The following EDEM1 variants were observed in gnomAD, a reference collection of about 807,000 sequenced individuals.
EDEM1 encodes the protein ER degradation enhancing alpha-mannosidase like protein 1, also known as ER degradation-enhancing alpha-mannosidase-like protein 1.
A neutral mutation model predicts 74.4 loss-of-function variants in EDEM1; 67 were observed. The observed-to-expected ratio is 0.90, with a 90% CI of 0.74 to 1.10. EDEM1 has a LOEUF of 1.10. Among genes scored for constraint, EDEM1 ranks in the 50% least tolerant of loss-of-function variants. The pLI is 0.00. For missense variants in EDEM1, 926 were observed against 851.6 expected (o/e 1.09, Z -1.09); for synonymous variants, 382 against 335.9 (o/e 1.14, Z -1.50).
In EDEM1 at chr3:5,199,590, A is replaced by C. The variant is rs1394267540; in HGVS notation, c.583-2A>C. On this transcript the variant is annotated splice_acceptor_variant, in intron 2 of 11. Transcript: ENST00000256497. LOFTEE classifies it high-confidence loss of function. ...TAATGACCTGTGTTCCTCTTTTTAA[A>C]GATAATGGGAAATTCATCCGAGTTC... is the stretch of plus-strand genomic sequence containing the variant. 1 of 1,608,016 alleles carries C rather than the reference A, an allele frequency of 6.2e-7. No homozygotes were observed. Among genetic ancestry groups the C allele is most frequent in the Non-Finnish European group, 8.5e-7 (1 of 1,176,046 alleles).
chr3:5,215,127 A>G (rs895441594), intron 11 of EDEM1, among the ~76,000 whole-genome samples: 2 of 152,102 alleles, frequency 1.3e-5, no homozygotes, highest in African/African-American at 2.4e-5. Flanking sequence ...TGATCTTGCC[A>G]GGGATGAGGA....
chr3:5,212,159 T>C (rs1265780419), intron 10 of EDEM1, among the ~76,000 whole-genome samples: 1 of 152,246 alleles, frequency 6.6e-6, no homozygotes, highest in East Asian at 1.9e-4. Flanking sequence ...CTCAGAAATC[T>C]GTCATTTTGA....
chr3:5,188,438 C>T (rs1559291614), intron 1 of EDEM1, 124 bp downstream of exon 1: 8 of 1,120,484 alleles, frequency 7.1e-6, no homozygotes, highest in Non-Finnish European at 9.2e-6. Flanking sequence ...TCCCGGGCAG[C>T]GCTCCCGCGC....
intron 1 of EDEM1, among the ~76,000 whole-genome samples, chr3:5,190,200 A>G (rs560053408): frequency 9.4e-4 from 143 of 152,342 alleles, no homozygotes; most frequent in Non-Finnish European, 1.8e-3. Flanking sequence ...CAATCATAGT[A>G]TGTGTACATA....
In EDEM1 at chr3:5,207,161, C is replaced by G. The variant is rs1575589933; in HGVS notation, c.1226C>G (p.Ala409Gly). 2 of 1,613,878 alleles carry G rather than the reference C, an allele frequency of 1.2e-6. No individual in the cohort carries two copies. The highest frequency in any genetic ancestry group is 1.3e-5 in the African/African-American group (1 of 74,912). The part of the protein sequence containing the change: ...IQNYLRRGRE[A>G]CNEGEGDPPL... ...GCTGCTTGGGTTTGCAGGCGGGAAG[C>G]CTGCAATGAAGGAGAAGGAGACCCT... is the stretch of plus-strand genomic sequence containing the variant. Residue 409 changes from alanine (A) to glycine (G), a missense_variant, in exon 7 of 12, where the codon GCC becomes GGC. Coordinates refer to ENST00000256497, the MANE Select transcript of EDEM1 (RefSeq NM_014674.3).
intron 5 of EDEM1, 110 bp from the exon 6 acceptor site, chr3:5,204,957 C>A: frequency 8.3e-7 from 1 of 1,203,396 alleles, no homozygotes; most frequent in South Asian, 1.5e-5. Flanking sequence ...TCCTGTATGC[C>A]AAGGATAAAG....
Position 5,199,690 on chromosome 3 carries a change from G to A in EDEM1, c.681G>A (p.Thr227=), listed in dbSNP as rs748302713. Residue 227 remains threonine, a synonymous_variant, in exon 3 of 12, where the codon ACG becomes ACA. Coordinates refer to ENST00000256497, the MANE Select transcript of EDEM1 (RefSeq NM_014674.3). ...KDSTVQVFEA[T]IRVLGSLLSA... Reference sequence around the variant, plus strand: ...CCACCGTCCAAGTCTTTGAGGCCACGATAAGGTAAAATAATGAATATTCAT... The same window carrying A: ...CCACCGTCCAAGTCTTTGAGGCCACAATAAGGTAAAATAATGAATATTCAT... 1.5e-5 allele frequency: 24 copies of A among 1,610,986 alleles called. No individual in the cohort carries two copies. The highest frequency in any genetic ancestry group is 5.9e-6 in the Non-Finnish European group (7 of 1,178,308).
chr3:5,207,593 G>A (rs544420843), intron 7 of EDEM1, among the ~76,000 whole-genome samples: 5 of 152,218 alleles, frequency 3.3e-5, no homozygotes, highest in African/African-American at 1.2e-4. Flanking sequence ...TGCAACCTCC[G>A]CCTCCTGGGT....
At chr3:5,199,827 G>T in intron 3 of EDEM1, 132 bp downstream of exon 3, 1 of 589,848 alleles carries the variant, frequency 1.7e-6, no homozygotes, top group Non-Finnish European at 2.9e-6. Flanking sequence ...GGTGCAGTGT[G>T]CATTTTTCAT....
At chr3:5,204,732 C>T (rs1180651475) in intron 5 of EDEM1, among the ~76,000 whole-genome samples, 2 of 152,120 alleles carry the variant, frequency 1.3e-5, no homozygotes, top group African/African-American at 4.8e-5. Flanking sequence ...GATAAATTCC[C>T]AGGAATGGCA....
chr3:5,208,168 C>T lies in EDEM1; in HGVS notation c.1414C>T (p.Leu472Phe), dbSNP rs2055121864. 1 of 1,613,420 alleles carries T rather than the reference C, an allele frequency of 6.2e-7. No homozygotes were observed. Among genetic ancestry groups the T allele is most frequent in the Non-Finnish European group, 8.5e-7 (1 of 1,179,840 alleles). ...TGCCATATGGAAACGATATGGTGCC[C>T]TCCCTGAGAGATATAACTGGCAGCT... ...YYAIWKRYGA[L>F]PERYNWQLQA... The change falls in exon 8 of 12, where the codon CTC becomes TTC. Residue 472 changes from leucine to phenylalanine, a missense_variant. By Grantham distance (22) the Leu-to-Phe change is conservative. Coordinates refer to ENST00000256497, the MANE Select transcript of EDEM1 (RefSeq NM_014674.3).
At chr3:5,200,519 A>G (rs1017407876) in intron 3 of EDEM1, among the ~76,000 whole-genome samples, 1 of 152,006 alleles carries the variant, frequency 6.6e-6, no homozygotes, top group African/African-American at 2.4e-5. Context: ...TACCTAGTAT[A>G]TTGTATATTG....
chr3:5,199,742 GTGTTT>G, intron 3 of EDEM1, 47 bp downstream of exon 3: 2 of 1,529,244 alleles, frequency 1.3e-6, no homozygotes, highest in South Asian at 1.2e-5. Context: ...TTCTTTTTAT[GTGTTT>G]AAAGAAAAAA....
At chr3:5,198,812 A>G (rs997857668) in intron 2 of EDEM1, among the ~76,000 whole-genome samples, 2 of 151,866 alleles carry the variant, frequency 1.3e-5, no homozygotes, top group Non-Finnish European at 2.9e-5. Flanking sequence ...CTATCACAGT[A>G]TGTCCTTATG....
At chr3:5,211,273 C>G in intron 10 of EDEM1, 57 bp downstream of exon 10, 1 of 1,517,482 alleles carries the variant, frequency 6.6e-7, no homozygotes, top group Non-Finnish European at 9.1e-7. Context: ...AGCAAGCATT[C>G]GCATAGTCTT....
At position 5,210,085 on chromosome 3, in the gene EDEM1, C is replaced by G. The variant is rs901207501; in HGVS notation, c.1510-90C>G. The G allele has an allele frequency of 7.7e-6, 9 of 1,162,876 alleles. No individual in the cohort carries two copies. The African/African-American group carries it at 1.4e-4, about 18-fold the overall frequency. 72.0% of individuals were successfully genotyped at this position (1,162,876 alleles called of 1,614,324 possible). On this transcript the variant is annotated intron_variant, in intron 8 of 11. Transcript: ENST00000256497. ...TCTTCCTTTGGCTGGCGACTCGTCTCCATGGGGAAGCCCCGCAGTCACCAT... is the reference window on the plus strand; with the variant it reads ...TCTTCCTTTGGCTGGCGACTCGTCTGCATGGGGAAGCCCCGCAGTCACCAT...
At chr3:5,210,148 G>T in intron 8 of EDEM1, 27 bp from the exon 9 acceptor site, 1 of 1,601,988 alleles carries the variant, frequency 6.2e-7, no homozygotes, top group African/African-American at 1.3e-5. Context: ...GCCCATGCTG[G>T]ATCACATTCT....
rs564231398 is a variant in EDEM1 at position 5,201,971 on chromosome 3, C to T, written c.858+47C>T. 216 of 1,561,494 alleles carry T rather than the reference C, an allele frequency of 1.4e-4. 2 individuals are homozygous for T. The South Asian group carries it at 2.3e-3, about 17-fold the overall frequency. ...TTTGTGTTTGACAATTCACTATCTT[C>T]CTGAATTAAAATTCTTTGCTTACTA... On this transcript the variant is annotated intron_variant, in intron 4 of 11. Coordinates refer to ENST00000256497, the MANE Select transcript of EDEM1 (RefSeq NM_014674.3).
At chr3:5,203,564 G>T (rs112876470) in intron 5 of EDEM1, among the ~76,000 whole-genome samples, 10 of 152,090 alleles carry the variant, frequency 6.6e-5, no homozygotes, top group African/African-American at 1.7e-4. Context: ...TTAAACCTGT[G>T]TGAGGTGGGG....
Sources: allele counts gnomAD v4.1 joint callset (sites outside exome capture counted in the v4.1 genomes callset), GRCh38; gene constraint gnomAD v4.1.1; transcripts MANE v1.5; gene names NCBI Gene and HGNC (gene_info 2026-07-23, HGNC 2026-07-21).